The following TRPC4 variants were observed in gnomAD, a reference collection of about 807,000 sequenced individuals.
TRPC4 encodes the protein transient receptor potential cation channel subfamily C member 4.
Under a neutral mutation model 99.4 loss-of-function variants are expected in TRPC4, and 49 were observed. The observed-to-expected ratio is 0.49, with a 90% CI of 0.39 to 0.63. The LOEUF is 0.63. Among genes scored for constraint, TRPC4 ranks in the 20% least tolerant of loss-of-function variants. The pLI is 0.00. For synonymous variants in TRPC4, 454 were observed against 425.9 expected, an observed-to-expected ratio of 1.07 and a Z score of -0.81; for missense variants, 898 against 1,152.9, an observed-to-expected ratio of 0.78 and a Z score of 3.20.
intron 1 of TRPC4, among the ~76,000 whole-genome samples, chr13:37,858,622 C>A (rs545616690): frequency 1.3e-5 from 2 of 151,602 alleles, no homozygotes; most frequent in Admixed American, 1.3e-4. Context: ...CTGTTACTTA[C>A]AACAACATGG....
Position 37,633,162 on chromosome 13 carries a change from A to G in TRPC4, c.*3741T>C, listed in dbSNP as rs1029248811. Among the ~76,000 whole-genome samples, 3 of 152,222 alleles carry G rather than the reference A, an allele frequency of 2.0e-5. No individual in the cohort carries two copies. Among genetic ancestry groups the G allele is most frequent in the Non-Finnish European group, 4.4e-5 (3 of 68,032 alleles). On this transcript the variant is annotated 3_prime_UTR_variant, in exon 11 of 11. Coordinates refer to ENST00000379705, the MANE Select transcript of TRPC4 (RefSeq NM_016179.4). ...CACTGTATAAATAAAATGTCTTTTCAGACATTGTAAAATCAGAATAATGGT... is the reference window on the plus strand; with the variant it reads ...CACTGTATAAATAAAATGTCTTTTCGGACATTGTAAAATCAGAATAATGGT...
At chr13:37,777,571 T>A (rs1009556635) in intron 2 of TRPC4, among the ~76,000 whole-genome samples, 1 of 150,436 alleles carries the variant, frequency 6.6e-6, no homozygotes, top group African/African-American at 2.4e-5. Flanking sequence ...CCACACCATA[T>A]CAACAATGGT....
chr13:37,768,270 C>T (rs961646059), intron 2 of TRPC4, among the ~76,000 whole-genome samples: 4 of 151,422 alleles, frequency 2.6e-5, no homozygotes, highest in African/African-American at 9.7e-5. Context: ...AAAATTTCTT[C>T]TCTTCTGAGA....
intron 1 of TRPC4, among the ~76,000 whole-genome samples, chr13:37,836,812 T>C (rs1958578594): frequency 6.6e-6 from 1 of 152,176 alleles, no homozygotes; most frequent in Non-Finnish European, 1.5e-5. Flanking sequence ...CAAATGTTAA[T>C]CCCCAAGACA....
At chr13:37,860,231 T>G (rs1566231042) in intron 1 of TRPC4, among the ~76,000 whole-genome samples, 1 of 151,438 alleles carries the variant, frequency 6.6e-6, no homozygotes, top group Non-Finnish European at 1.5e-5. Context: ...TATCAAGTAT[T>G]TTGTTATTTT....
chr13:37,655,081 A>T lies in TRPC4; in HGVS notation c.1884+7T>A, dbSNP rs560213122. On this transcript the variant is annotated splice_region_variant and intron_variant, in intron 7 of 10. Transcript: ENST00000379705. Reference sequence around the variant, plus strand: ...ACATTGAATTAAAATAAAGCTGGTCAACTTACAGCAATCAGTTGGTAAGAA... The same window carrying T: ...ACATTGAATTAAAATAAAGCTGGTCTACTTACAGCAATCAGTTGGTAAGAA... 8 of 1,478,184 alleles carry T rather than the reference A, an allele frequency of 5.4e-6. No individual in the cohort carries two copies. Among genetic ancestry groups the T allele is most frequent in the Non-Finnish European group, 7.2e-6 (8 of 1,104,424 alleles). The allele number at this position is 1,478,184 out of a possible 1,614,324, so 91.6% of individuals were successfully genotyped here.
chr13:37,829,590 C>T (rs1185824795), intron 1 of TRPC4, among the ~76,000 whole-genome samples: 3 of 152,052 alleles, frequency 2.0e-5, no homozygotes, highest in African/African-American at 7.2e-5. Flanking sequence ...TCAGTGGTTC[C>T]TCAAAAAAAT....
At chr13:37,680,828 T>C (rs747373066) in intron 4 of TRPC4, among the ~76,000 whole-genome samples, 14 of 152,236 alleles carry the variant, frequency 9.2e-5, no homozygotes, top group African/African-American at 1.9e-4. Flanking sequence ...TTAAAGTTCA[T>C]TCCAACTTAA....
chr13:37,855,359 C>T (rs946150923), intron 1 of TRPC4, among the ~76,000 whole-genome samples: 14 of 116,392 alleles, frequency 1.2e-4, no homozygotes, highest in African/African-American at 4.8e-4. Flanking sequence ...TATATATATG[C>T]ACCTAATTCT....
chr13:37,774,748 T>A (rs1242260085), intron 2 of TRPC4, among the ~76,000 whole-genome samples: 1 of 151,702 alleles, frequency 6.6e-6, no homozygotes, highest in Non-Finnish European at 1.5e-5. Flanking sequence ...CCTTGTTTGC[T>A]TGTGTTTTGA....
chr13:37,716,729 A>G (rs1312867293), intron 3 of TRPC4, among the ~76,000 whole-genome samples: 1 of 151,582 alleles, frequency 6.6e-6, no homozygotes, highest in Non-Finnish European at 1.5e-5. Flanking sequence ...AAAACCACGC[A>G]CTCTCTCTAC....
At chr13:37,791,234 A>T (rs989731639) in intron 1 of TRPC4, among the ~76,000 whole-genome samples, 1 of 151,936 alleles carries the variant, frequency 6.6e-6, no homozygotes, top group Non-Finnish European at 1.5e-5. Flanking sequence ...TCTACTAAAA[A>T]TATGAAAAAA....
chr13:37,711,180 G>A (rs1325123320), intron 3 of TRPC4, among the ~76,000 whole-genome samples: 1 of 151,842 alleles, frequency 6.6e-6, no homozygotes, highest in East Asian at 1.9e-4. Context: ...CCATTTTGAA[G>A]CTTCCTTTTG....
intron 1 of TRPC4, among the ~76,000 whole-genome samples, chr13:37,833,846 G>A (rs1640836580): frequency 6.6e-6 from 1 of 152,070 alleles, no homozygotes; most frequent in Non-Finnish European, 1.5e-5. Context: ...ACAAAAAAAT[G>A]GAGGATATAG....
Position 37,636,902 on chromosome 13 carries a change from A to G in TRPC4, c.*1T>C, listed in dbSNP as rs1193467061. ...ATGGTAAACGCTTCCTCCTTCAAGT[A>G]TCACAATCTTGTGGTCACGTAATCT... On this transcript the variant is annotated 3_prime_UTR_variant, in exon 11 of 11. Transcript: ENST00000379705. 2.5e-6 allele frequency: 4 copies of G among 1,606,696 alleles called. No individual in the cohort carries two copies. Among genetic ancestry groups the G allele is most frequent in the Non-Finnish European group, 3.4e-6 (4 of 1,175,962 alleles).
intron 8 of TRPC4, among the ~76,000 whole-genome samples, chr13:37,648,395 T>C (rs1191633322): frequency 6.6e-6 from 1 of 152,122 alleles, no homozygotes; most frequent in Non-Finnish European, 1.5e-5. Context: ...AAAGAGTAAA[T>C]TTAGACAGCA....
intron 2 of TRPC4, among the ~76,000 whole-genome samples, chr13:37,758,118 T>G (rs936062232): frequency 6.6e-6 from 1 of 151,956 alleles, no homozygotes; most frequent in African/African-American, 2.4e-5. Flanking sequence ...TTTTATTTGT[T>G]GCAGTTCTCT....
intron 6 of TRPC4, among the ~76,000 whole-genome samples, chr13:37,659,294 A>ACCTC (rs199713513): frequency 0.014 from 2,187 of 151,518 alleles, 35 homozygotes; most frequent in Middle Eastern, 0.037. Flanking sequence ...GGACCCCTGC[A>ACCTC]CCTCCCTCCC....
At chr13:37,753,065 G>T (rs1955981446) in intron 2 of TRPC4, among the ~76,000 whole-genome samples, 1 of 151,758 alleles carries the variant, frequency 6.6e-6, no homozygotes, top group Admixed American at 6.6e-5. Context: ...GCTCTAAGAA[G>T]AGTATGAATA....
Sources: allele counts gnomAD v4.1 joint callset (sites outside exome capture counted in the v4.1 genomes callset), GRCh38; gene constraint gnomAD v4.1.1; transcripts MANE v1.5; gene names NCBI Gene and HGNC (gene_info 2026-07-23, HGNC 2026-07-21).